CHFR: variants seen among roughly 807,000 people sequenced by gnomAD.
CHFR encodes E3 ubiquitin-protein ligase CHFR.
CHFR carries 57 observed loss-of-function variants against 87.6 expected under a neutral mutation model. The observed-to-expected ratio is 0.65, with a 90% confidence interval of 0.53 to 0.81. The LOEUF (loss-of-function observed/expected upper bound fraction) is 0.81, where lower values mean the gene tolerates loss of function less well. Among genes scored for constraint, CHFR ranks in the 30% least tolerant of loss-of-function variants. The probability of loss-of-function intolerance (pLI) is 0.00; values close to 1 mark genes in which losing one functional copy is unlikely to be tolerated. For missense variants in CHFR, 797 were observed against 865.8 expected (o/e 0.92, Z 1.00); for synonymous variants, 381 against 359.2 (o/e 1.06, Z -0.69).
At position 132,834,204 on chromosome 12, in the gene CHFR, C is replaced by G. The variant is rs1246554143; in HGVS notation, c.*7350G>C. 6.6e-6 allele frequency: 1 copy of G among 152,318 alleles called. No individual in the cohort carries two copies. The highest frequency in any genetic ancestry group is 1.5e-5 in the Non-Finnish European group (1 of 68,142). The allele number at this position is 152,318 out of a possible 1,614,324, so 9.4% of individuals were successfully genotyped here. On this transcript the variant is annotated 3_prime_UTR_variant, in exon 18 of 18. Transcript: ENST00000450056. ...AACAGCTCTCTTTGACAACATGAAT[C>G]TGGGATGTTTGAACACCAAGTGGAG... is the stretch of plus-strand genomic sequence containing the variant.
chr12:132,882,833 G>C (rs917689984), intron 2 of CHFR: 10 of 152,058 alleles, frequency 6.6e-5, no homozygotes, highest in African/African-American at 2.4e-4. Context: ...AGCCTCCTGA[G>C]TAGCTGAGAC....
chr12:132,845,449 T>C (rs1180092651), intron 15 of CHFR, among the ~76,000 whole-genome samples: 2 of 145,656 alleles, frequency 1.4e-5, no homozygotes, highest in Non-Finnish European at 3.0e-5. Context: ...CACAGCAAGA[T>C]TCCATCTCAA....
intron 14 of CHFR, chr12:132,847,672 A>G: frequency 9.1e-7 from 1 of 1,101,626 alleles, no homozygotes; most frequent in South Asian, 2.6e-5. Flanking sequence ...ACATATGTAA[A>G]TCCTAGAAAC....
intron 2 of CHFR, among the ~76,000 whole-genome samples, chr12:132,886,916 G>C (rs1482657986): frequency 6.6e-6 from 1 of 152,122 alleles, no homozygotes; most frequent in Non-Finnish European, 1.5e-5. Flanking sequence ...TTCCATTACA[G>C]TCAGAAAAGA....
Position 132,872,286 on chromosome 12 carries a change from G to C in CHFR, c.342C>G (p.His114Gln). 6.2e-7 allele frequency: 1 copy of C among 1,602,904 alleles called. No individual in the cohort carries two copies. The change falls in exon 4 of 18, where the codon CAC becomes CAG. Residue 114 changes from histidine to glutamine, a missense_variant and splice_region_variant. Physicochemically the swap from His to Gln is conservative, Grantham distance 24. Coordinates refer to ENST00000450056, the MANE Select transcript of CHFR (RefSeq NM_001161346.2). ...CCGGCAAGCCTTCCTCTCTCTTACT[G>C]TGTTCCGGTTCATTCTTCCTGTACA... Reference protein sequence around the residue: ...YLVYRKNEPEHNVAYLYESLS... With the variant: ...YLVYRKNEPEQNVAYLYESLS...
rs758139441 is a variant in CHFR at position 132,859,202 on chromosome 12, C to A, written c.777G>T (p.Gln259His). Residue 259 changes from glutamine (Q) to histidine (H), a missense_variant, in exon 8 of 18, where the codon CAG becomes CAT. Coordinates refer to ENST00000450056, the MANE Select transcript of CHFR (RefSeq NM_001161346.2). Reference protein sequence around the residue: ...RGDGDLDLNGQLLVAQPRRNA... With the variant: ...RGDGDLDLNGHLLVAQPRRNA... ...TTCTACGCGGTTGTGCGACCAACAA[C>A]TGCCCGTTCAGGTCAAGGTCCCCAT... The A allele has an allele frequency of 3.1e-6, 5 of 1,613,702 alleles. No individual in the cohort carries two copies. Among genetic ancestry groups the A allele is most frequent in the Non-Finnish European group, 4.2e-6 (5 of 1,179,810 alleles).
Position 132,847,376 on chromosome 12 carries a change from G to A in CHFR, c.1648-246C>T, listed in dbSNP as rs940567472. 1.8e-5 allele frequency: 21 copies of A among 1,189,262 alleles called. No individual in the cohort carries two copies. The Admixed American group carries it at 5.2e-4, about 30-fold the overall frequency. 73.7% of individuals were successfully genotyped at this position (1,189,262 alleles called of 1,614,324 possible). On this transcript the variant is annotated intron_variant, in intron 14 of 17. Transcript: ENST00000450056. ...GTTACCAGAGTCTCTCAAAAGTTCT[G>A]CCAAGACCTACACAGCCCAGGTGTG...
intron 3 of CHFR, among the ~76,000 whole-genome samples, chr12:132,876,393 A>G (rs1243149943): frequency 6.6e-6 from 1 of 152,228 alleles, no homozygotes; most frequent in Non-Finnish European, 1.5e-5. Context: ...CACTCAAAAA[A>G]ATACTCACTG....
chr12:132,872,216 A>G (rs777568602), intron 4 of CHFR, 69 bp downstream of exon 4: 2 of 919,352 alleles, frequency 2.2e-6, no homozygotes, highest in African/African-American at 1.6e-5. Context: ...GCCAGGAGGA[A>G]CGTTCAGAGA....
intron 12 of CHFR, 81 bp downstream of exon 12, chr12:132,851,537 C>A: frequency 6.9e-7 from 1 of 1,451,758 alleles, no homozygotes; most frequent in Non-Finnish European, 9.2e-7. Context: ...CACAGGTTAC[C>A]CTAAGGCCAA....
Position 132,841,732 on chromosome 12 carries a change from A to T in CHFR, c.1917-136T>A, listed in dbSNP as rs1039730061. On this transcript the variant is annotated intron_variant, in intron 17 of 17. Transcript: ENST00000450056. ...ACACAGAAAGAGCTACCTGAGAAAGAGTGTGTGTGCTTCTCACAATATCAA... is the reference window on the plus strand; with the variant it reads ...ACACAGAAAGAGCTACCTGAGAAAGTGTGTGTGTGCTTCTCACAATATCAA... The T allele has an allele frequency of 1.6e-5, 12 of 759,118 alleles. No homozygotes were observed. The African/African-American group carries it at 1.7e-4, about 11-fold the overall frequency. The allele number at this position is 759,118 out of a possible 1,614,324, so 47.0% of individuals were successfully genotyped here.
intron 2 of CHFR, among the ~76,000 whole-genome samples, chr12:132,883,426 C>CAAAAA (rs1281973967): frequency 1.1e-5 from 1 of 93,056 alleles, no homozygotes; most frequent in Admixed American, 1.1e-4. Context: ...AACTCCGTCT[C>CAAAAA]AAAAAAAAAA....
chr12:132,866,811 G>A (rs1192855461), intron 6 of CHFR: 1 of 152,234 alleles, frequency 6.6e-6, no homozygotes, highest in Non-Finnish European at 1.5e-5. Flanking sequence ...ATCAGACTGA[G>A]GTATGCTTTT....
chr12:132,856,410 A>C, intron 10 of CHFR, 58 bp downstream of exon 10: 1 of 1,586,274 alleles, frequency 6.3e-7, no homozygotes, highest in Non-Finnish European at 8.6e-7. Flanking sequence ...GCTCTCGGTC[A>C]CGGTTGTGAT....
intron 6 of CHFR, among the ~76,000 whole-genome samples, chr12:132,865,653 CTTTTTTTTT>C (rs57560560): frequency 1.7e-5 from 1 of 58,218 alleles, no homozygotes; most frequent in Admixed American, 2.5e-4. Flanking sequence ...GATTACAGGT[CTTTTTTTTT>C]TTTTTTTTTT....
intron 2 of CHFR, among the ~76,000 whole-genome samples, chr12:132,885,425 T>C (rs1172501348): frequency 1.3e-5 from 2 of 149,144 alleles, no homozygotes; most frequent in Non-Finnish European, 3.0e-5. Flanking sequence ...AATATATAAA[T>C]AAATAAATAA....
rs1458234485 is a variant in CHFR, at chr12:132,861,449, A to T, written c.751+18T>A. 1 of 1,612,710 alleles carries T rather than the reference A, an allele frequency of 6.2e-7. No homozygotes were observed. The highest frequency in any genetic ancestry group is 8.5e-7 in the Non-Finnish European group (1 of 1,178,798). ...GAGCACACGAGAGGACTGAGGACAC[A>T]CACAACCAGACACTAACCTCCTCTC... is the stretch of plus-strand genomic sequence containing the variant. On this transcript the variant is annotated intron_variant, in intron 7 of 17. Transcript: ENST00000450056.
intron 5 of CHFR, 163 bp from the exon 6 acceptor site, chr12:132,869,961 C>T (rs1951446699): frequency 1.3e-6 from 1 of 785,708 alleles, no homozygotes; most frequent in Non-Finnish European, 2.0e-6. Flanking sequence ...GTAATCCCAG[C>T]ACTTTGGGAA....
chr12:132,867,208 C>T (rs1951365569), intron 6 of CHFR: 1 of 152,228 alleles, frequency 6.6e-6, no homozygotes, highest in South Asian at 2.1e-4. Context: ...AAAACCACAT[C>T]AACAGAAGTG....
Sources: allele counts gnomAD v4.1 joint callset (sites outside exome capture counted in the v4.1 genomes callset), GRCh38; gene constraint gnomAD v4.1.1; transcripts MANE v1.5; gene names NCBI Gene and HGNC (gene_info 2026-07-23, HGNC 2026-07-21).